CELF2: variants seen among roughly 807,000 people sequenced by gnomAD.
The protein encoded by CELF2 is CUG triplet repeat RNA-binding protein 2.
In CELF2, 8 loss-of-function variants were observed where a neutral mutation model predicts 62.6. The observed-to-expected ratio is 0.13, with a 90% confidence interval of 0.07 to 0.23. The LOEUF is 0.23. CELF2 is among the 10% of genes least tolerant of loss of function. The probability of loss-of-function intolerance (pLI) is 1.00; values close to 1 mark genes in which losing one functional copy is unlikely to be tolerated. For missense variants in CELF2, 333 were observed against 671.0 expected (o/e 0.50, Z 5.56); for synonymous variants, 258 against 250.0 (o/e 1.03, Z -0.30).
chr10:11,148,769 G>A (rs1004428668), intron 1 of CELF2, among the ~76,000 whole-genome samples: 10 of 151,946 alleles, frequency 6.6e-5, no homozygotes, highest in South Asian at 2.1e-4. Context: ...TTAATTAAGC[G>A]GGGGAAGAGC....
the CELF2 span, among the ~76,000 whole-genome samples, chr10:10,608,361 C>A: frequency 6.6e-6 from 1 of 152,126 alleles, no homozygotes; most frequent in East Asian, 1.9e-4. Flanking sequence ...GGCCTGGGGA[C>A]TCAAAATCAT....
the CELF2 span, among the ~76,000 whole-genome samples, chr10:10,668,065 G>A: frequency 1.3e-5 from 2 of 152,198 alleles, no homozygotes; most frequent in Non-Finnish European, 2.9e-5. Flanking sequence ...CCTAGAGGGA[G>A]AGACTTAGAT....
At chr10:10,473,342 T>G in the CELF2 span, among the ~76,000 whole-genome samples, 3 of 151,908 alleles carry the variant, frequency 2.0e-5, no homozygotes, top group East Asian at 5.8e-4. Flanking sequence ...TAGGAAAAGG[T>G]AAGAGTTTCT....
chr10:11,271,536 C>A (rs986194323), intron 7 of CELF2, among the ~76,000 whole-genome samples: 4 of 152,222 alleles, frequency 2.6e-5, no homozygotes, highest in Admixed American at 1.3e-4. Flanking sequence ...GTAACCATGG[C>A]AGATGCGGGC....
At chr10:10,681,473 C>T in the CELF2 span, among the ~76,000 whole-genome samples, 2 of 152,148 alleles carry the variant, frequency 1.3e-5, no homozygotes, top group Non-Finnish European at 2.9e-5. Context: ...CAACTACTCA[C>T]CTACTGTCCT....
chr10:10,824,504 T>C (rs1396041430), intron 1 of CELF2, among the ~76,000 whole-genome samples: 1 of 152,242 alleles, frequency 6.6e-6, no homozygotes, highest in Non-Finnish European at 1.5e-5. Flanking sequence ...GAGATCCTTG[T>C]CAAACCATCC....
the CELF2 span, among the ~76,000 whole-genome samples, chr10:10,570,906 A>G: frequency 6.6e-6 from 1 of 152,148 alleles, no homozygotes. Flanking sequence ...GAAAAAAAAG[A>G]TGAGTAGCTT....
chr10:10,844,181 A>C (rs1320463238), intron 1 of CELF2, among the ~76,000 whole-genome samples: 1 of 151,796 alleles, frequency 6.6e-6, no homozygotes, highest in African/African-American at 2.4e-5. Context: ...CTAATTTGTG[A>C]CCTCTGACCA....
At chr10:10,775,634 A>C in the CELF2 span, among the ~76,000 whole-genome samples, 1 of 151,720 alleles carries the variant, frequency 6.6e-6, no homozygotes, top group Non-Finnish European at 1.5e-5. Flanking sequence ...AAATATATAT[A>C]TAGGGGACAG....
At chr10:11,002,717 T>C (rs2054642743), upstream of CELF2, among the ~76,000 whole-genome samples, 1 of 152,208 alleles carries the variant, frequency 6.6e-6, no homozygotes, top group Non-Finnish European at 1.5e-5. This position sits in a 1 kb window ranked among gnomAD's most constrained non-coding sequence, Gnocchi z 4.4. Flanking sequence ...GAAAAGGTCT[T>C]GAAATGTAAA....
chr10:11,170,418 A>G (rs614162), intron 2 of CELF2, among the ~76,000 whole-genome samples: 42,871 of 152,122 alleles, frequency 0.28, 6,270 homozygotes, highest in South Asian at 0.34. Flanking sequence ...ATTGAATGGA[A>G]AGAGTGGTAA....
chr10:10,471,284 T>C, the CELF2 span, among the ~76,000 whole-genome samples: 2 of 151,590 alleles, frequency 1.3e-5, no homozygotes, highest in African/African-American at 4.8e-5. Flanking sequence ...TCCTACTGTT[T>C]GTTTTGTTTT....
rs76766774 is a variant in CELF2 at position 10,899,546 on chromosome 10, G to GT, written c.54-20411dup. The stretch of plus-strand genomic sequence containing the variant: ...AGGGCCACAAATTGTCTATGTCATG[G>GT]TTTTTTTCCCCCAACCTTTAAAAAT... On this transcript the variant is annotated intron_variant, in intron 1 of 13. Coordinates refer to the CELF2 transcript ENST00000636488. Among the ~76,000 whole-genome samples, 169 of 152,220 alleles carry GT rather than the reference G, an allele frequency of 1.1e-3. No individual in the cohort carries two copies. In the East Asian group the frequency reaches 0.03, roughly 27 times the overall value.
At chr10:10,870,047 A>G (rs889513234) in intron 1 of CELF2, among the ~76,000 whole-genome samples, 1 of 152,216 alleles carries the variant, frequency 6.6e-6, no homozygotes, top group African/African-American at 2.4e-5. Context: ...ACTATCTTAA[A>G]ATCTAAAATT....
the CELF2 span, among the ~76,000 whole-genome samples, chr10:10,669,871 G>A: frequency 6.8e-6 from 1 of 146,654 alleles, no homozygotes; most frequent in Admixed American, 6.8e-5. Flanking sequence ...CATGCTTCTT[G>A]TAGGAAGGGA....
chr10:11,200,985 C>T (rs1455235610), intron 2 of CELF2, among the ~76,000 whole-genome samples: 1 of 152,172 alleles, frequency 6.6e-6, no homozygotes, highest in Non-Finnish European at 1.5e-5. Flanking sequence ...GTGGTTTGCT[C>T]AAAAAGGTGT....
chr10:11,046,662 G>A lies in CELF2; in HGVS notation c.74+28499G>A, dbSNP rs922584786. ...TTTTCCTAACTCATTTCAGACGGAC[G>A]CTAATAACAGCCCGCAGAACCCTCA... On this transcript the variant is annotated intron_variant, in intron 1 of 12. Coordinates refer to ENST00000633077, the MANE Select transcript of CELF2 (RefSeq NM_001326342.2). This position sits in a 1 kb window ranked among gnomAD's most constrained non-coding sequence, Gnocchi z 4.6. 8.6e-5 allele frequency among the ~76,000 whole-genome samples: 13 copies of A among 152,040 alleles called. No individual in the cohort carries two copies. Among genetic ancestry groups the A allele is most frequent in the African/African-American group, 1.5e-4 (6 of 41,362 alleles).
chr10:10,548,688 C>T, the CELF2 span, among the ~76,000 whole-genome samples: 4 of 152,060 alleles, frequency 2.6e-5, no homozygotes, highest in Non-Finnish European at 5.9e-5. Flanking sequence ...TTCTTAATCT[C>T]TCTTTTGAGC....
chr10:10,850,098 G>A (rs2059290318), intron 1 of CELF2, among the ~76,000 whole-genome samples: 1 of 152,156 alleles, frequency 6.6e-6, no homozygotes, highest in Non-Finnish European at 1.5e-5. Flanking sequence ...GCAGTGAGCT[G>A]AGATCACGCC....
Sources: allele counts gnomAD v4.1 joint callset (sites outside exome capture counted in the v4.1 genomes callset), GRCh38; gene constraint gnomAD v4.1.1; non-coding constraint Gnocchi (gnomAD v3.1); transcripts MANE v1.5; gene names NCBI Gene and HGNC (gene_info 2026-07-23, HGNC 2026-07-21).